Variants in DEXI observed in about 807,000 individuals in gnomAD.
DEXI encodes dexamethasone-induced protein.
Under a neutral mutation model 2.5 loss-of-function variants are expected in DEXI, and 2 were observed. That is an observed-to-expected ratio of 0.81 (90% CI 0.33 to 2.55). The LOEUF is 2.55. DEXI is among the 30% of genes most tolerant of loss of function. The probability of loss-of-function intolerance (pLI) is 0.11; values close to 1 mark genes in which losing one functional copy is unlikely to be tolerated. For synonymous variants in DEXI, 71 were observed against 68.7 expected (o/e 1.03, Z -0.17); for missense variants, 108 against 130.3 (o/e 0.83, Z 0.83).
chr16:10,941,874 G>C lies in DEXI; in HGVS notation c.132C>G (p.Ala44=), dbSNP rs2041107273. 1 of 1,612,180 alleles carries C rather than the reference G, an allele frequency of 6.2e-7. No individual in the cohort carries two copies. The highest frequency in any genetic ancestry group is 2.2e-5 in the East Asian group (1 of 44,878). ...FFVNVLILYY[A]FLMEYIVLNV... ...TGAGGACGATGTACTCCATGAGGAA[G>C]GCGTAGTACAGGATCAGCACATTGA... The change falls in exon 1 of 2, where the codon GCC becomes GCG. Residue 44 remains alanine, a synonymous_variant. Transcript: ENST00000331808. This position sits in a 1 kb window ranked among gnomAD's most constrained non-coding sequence, Gnocchi z 6.4.
chr16:10,933,013 T>C (rs1217242516), intron 1 of DEXI: 1 of 152,210 alleles, frequency 6.6e-6, no homozygotes, highest in African/African-American at 2.4e-5. Flanking sequence ...ACAAGTTTCT[T>C]CTAAGGCATC....
chr16:10,935,152 T>C (rs1352985527), intron 1 of DEXI: 1 of 152,184 alleles, frequency 6.6e-6, no homozygotes, highest in African/African-American at 2.4e-5. Context: ...AAGTCTGAGG[T>C]GTTGGTGGAG....
chr16:10,929,337 G>T lies in DEXI; in HGVS notation c.*372C>A, dbSNP rs557257667. On this transcript the variant is annotated 3_prime_UTR_variant, in exon 2 of 2. Transcript: ENST00000331808. The surrounding 1 kb of genome is among the most constrained non-coding windows in gnomAD (Gnocchi z 4.3). ...AGTGCAGGGAGGCAAACTCTGGCTG[G>T]GTTCCTGTAAACATCCATCGCAGCT... 736 of 985,952 alleles carry T rather than the reference G, an allele frequency of 7.5e-4. 1 individual carries two copies. The highest frequency in any genetic ancestry group is 8.6e-4 in the Non-Finnish European group (713 of 829,976). The allele number at this position is 985,952 out of a possible 1,614,324, so 61.1% of individuals were successfully genotyped here. A position where few individuals can be genotyped will look rare whatever the true frequency, so the allele number is the denominator to read the frequency against.
In DEXI at chr16:10,941,946, C is replaced by T. The variant is rs779994659; in HGVS notation, c.60G>A (p.Val20=). Residue 20 remains valine (V), a synonymous_variant, in exon 1 of 2, where the codon GTG becomes GTA. Transcript: ENST00000331808. This position sits in a 1 kb window ranked among gnomAD's most constrained non-coding sequence, Gnocchi z 6.4. ...LDALGPLVPY[V]PPPLLPSMFY... ...ACATAGAGGGCAGCAGCGGCGGCGG[C>T]ACGTAGGGGACCAGGGGGCCCAGTG... is the stretch of plus-strand genomic sequence containing the variant. 6.3e-7 allele frequency: 1 copy of T among 1,577,550 alleles called. No individual in the cohort carries two copies. The highest frequency in any genetic ancestry group is 8.6e-7 in the Non-Finnish European group (1 of 1,162,806).
intron 1 of DEXI, chr16:10,932,013 G>A (rs959481602): frequency 1.3e-5 from 2 of 152,250 alleles, no homozygotes; most frequent in African/African-American, 4.8e-5. Flanking sequence ...TGTTGTATGA[G>A]GTTTGAGGAT....
At chr16:10,931,322 T>C (rs1400571658) in intron 1 of DEXI, 3 of 152,604 alleles carry the variant, frequency 2.0e-5, no homozygotes, top group Non-Finnish European at 2.9e-5. Flanking sequence ...AAAGAGAAGA[T>C]GGAATCACTC....
intron 1 of DEXI, chr16:10,935,809 C>G (rs531817839): frequency 3.3e-4 from 51 of 152,292 alleles, no homozygotes; most frequent in African/African-American, 1.1e-3. Flanking sequence ...AATTGAGAGA[C>G]AGTTTACAAA....
At chr16:10,931,782 T>C (rs1452436184) in intron 1 of DEXI, 1 of 152,244 alleles carries the variant, frequency 6.6e-6, no homozygotes, top group Non-Finnish European at 1.5e-5. Context: ...TCCCAGCTAC[T>C]CGGGAGGCTG....
At position 10,941,596 on chromosome 16, in the gene DEXI, T is replaced by C; in HGVS notation, c.*122A>G. On this transcript the variant is annotated 3_prime_UTR_variant, in exon 1 of 2. Transcript: ENST00000331808. The surrounding 1 kb of genome is among the most constrained non-coding windows in gnomAD (Gnocchi z 6.4). The stretch of plus-strand genomic sequence containing the variant: ...GCCTCGGAGGCAGGGGAGGGTCTCC[T>C]CCTGGGGAACCATCCCCGTCCAGAT... The C allele has an allele frequency of 2.0e-6, 3 of 1,480,996 alleles. No homozygotes were observed. Among genetic ancestry groups the C allele is most frequent in the South Asian group, 1.4e-5 (1 of 70,742 alleles). The allele number at this position is 1,480,996 out of a possible 1,614,324, so 91.7% of individuals were successfully genotyped here. A position where few individuals can be genotyped will look rare whatever the true frequency, so the allele number is the denominator to read the frequency against.
Position 10,929,160 on chromosome 16 carries a change from C to T in DEXI, c.*549G>A, listed in dbSNP as rs1296843404. 6 of 951,254 alleles carry T rather than the reference C, an allele frequency of 6.3e-6. No homozygotes were observed. In the East Asian group the frequency reaches 3.5e-4, roughly 55 times the overall value. The allele number at this position is 951,254 out of a possible 1,614,324, so 58.9% of individuals were successfully genotyped here. ...TCTTCTGAGTCACCCCTGAAACAGTCGCTGCATCTAAGACCAGCCTCGGGC... is the reference window on the plus strand; with the variant it reads ...TCTTCTGAGTCACCCCTGAAACAGTTGCTGCATCTAAGACCAGCCTCGGGC... On this transcript the variant is annotated 3_prime_UTR_variant, in exon 2 of 2. Coordinates refer to ENST00000331808, the MANE Select transcript of DEXI (RefSeq NM_014015.4). This position sits in a 1 kb window ranked among gnomAD's most constrained non-coding sequence, Gnocchi z 4.3.
chr16:10,936,504 A>C (rs2041026064), intron 1 of DEXI: 1 of 152,256 alleles, frequency 6.6e-6, no homozygotes, highest in Non-Finnish European at 1.5e-5. Flanking sequence ...GCACGTGTAC[A>C]TGAGCAAAGT....
intron 1 of DEXI, chr16:10,936,858 T>C (rs897505669): frequency 2.6e-5 from 4 of 152,238 alleles, no homozygotes; most frequent in African/African-American, 7.2e-5. Context: ...CTGCCACTTT[T>C]ATTGTGATCT....
chr16:10,934,079 C>G lies in DEXI; in HGVS notation c.*150-4520G>C, dbSNP rs1013486489. The G allele has an allele frequency of 1.3e-5, 2 of 152,196 alleles. No homozygotes were observed. The highest frequency in any genetic ancestry group is 4.8e-5 in the African/African-American group (2 of 41,426). 9.4% of individuals were successfully genotyped at this position (152,196 alleles called of 1,614,324 possible). ...GGCTTCGGATTTGCACGTTGGCTGC[C>G]AAAGCTGATCAGCAGCGGGCTTTGT... On this transcript the variant is annotated intron_variant, in intron 1 of 1. Transcript: ENST00000331808. The surrounding 1 kb of genome is among the most constrained non-coding windows in gnomAD (Gnocchi z 4.2).
chr16:10,936,473 T>C (rs1031951140), intron 1 of DEXI: 2 of 152,226 alleles, frequency 1.3e-5, no homozygotes, highest in Non-Finnish European at 2.9e-5. Context: ...GGCATGCATA[T>C]ACAAACAGAG....
At position 10,937,299 on chromosome 16, in the gene DEXI, C is replaced by T. The variant is rs4780338; in HGVS notation, c.*149+4270G>A. ...GCTTCCTGGCCTGGTTTCCTGCATCCGCCCTGACCCCTGGCTGTGGGATCT... is the reference window on the plus strand; with the variant it reads ...GCTTCCTGGCCTGGTTTCCTGCATCTGCCCTGACCCCTGGCTGTGGGATCT... On this transcript the variant is annotated intron_variant, in intron 1 of 1. Transcript: ENST00000331808. The surrounding 1 kb of genome is among the most constrained non-coding windows in gnomAD (Gnocchi z 4.2). 0.37 allele frequency: 55,915 copies of T among 152,098 alleles called. 10,509 individuals carry two copies. Among genetic ancestry groups the T allele is most frequent in the South Asian group, 0.46 (2,230 of 4,808 alleles). The allele number at this position is 152,098 out of a possible 1,614,324, so 9.4% of individuals were successfully genotyped here.
rs2040669402 is a variant in DEXI, at chr16:10,929,244, C to T, written c.*465G>A. ...CAAACGGAGCTGGGAGTCGCTTTTGCGTGTGTCCGCAGTTTGAAGTGTCCT... is the reference window on the plus strand; with the variant it reads ...CAAACGGAGCTGGGAGTCGCTTTTGTGTGTGTCCGCAGTTTGAAGTGTCCT... On this transcript the variant is annotated 3_prime_UTR_variant, in exon 2 of 2. Transcript: ENST00000331808. The surrounding 1 kb of genome is among the most constrained non-coding windows in gnomAD (Gnocchi z 4.3). The T allele has an allele frequency of 4.1e-6, 4 of 984,526 alleles. No homozygotes were observed. Among genetic ancestry groups the T allele is most frequent in the South Asian group, 9.4e-5 (2 of 21,242 alleles). The allele number at this position is 984,526 out of a possible 1,614,324, so 61.0% of individuals were successfully genotyped here.
At position 10,941,840 on chromosome 16, in the gene DEXI, G is replaced by C. The variant is rs781328031; in HGVS notation, c.166C>G (p.Leu56Val). ...LMEYIVLNVGLVFLPEDMDQA... is the reference protein window; with the variant it reads ...LMEYIVLNVGVVFLPEDMDQA... Reference sequence around the variant, plus strand: ...TCCATGTCCTCGGGCAGGAAGACGAGGCCCACGTTGAGGACGATGTACTCC... The same window carrying C: ...TCCATGTCCTCGGGCAGGAAGACGACGCCCACGTTGAGGACGATGTACTCC... Residue 56 changes from leucine to valine, a missense_variant, in exon 1 of 2, where the codon CTC becomes GTC. Leu to Val is a conservative substitution (Grantham distance 32). Transcript: ENST00000331808. This position sits in a 1 kb window ranked among gnomAD's most constrained non-coding sequence, Gnocchi z 6.4. The C allele has an allele frequency of 3.6e-5, 58 of 1,613,242 alleles. No individual in the cohort carries two copies. The highest frequency in any genetic ancestry group is 4.9e-5 in the Non-Finnish European group (58 of 1,179,850).
chr16:10,930,992 C>T (rs1159184288), intron 1 of DEXI: 1 of 152,270 alleles, frequency 6.6e-6, no homozygotes, highest in Non-Finnish European at 1.5e-5. Flanking sequence ...TGTGGTCATC[C>T]TTGAGCCCAT....
intron 1 of DEXI, chr16:10,936,831 G>A (rs1432454243): frequency 1.3e-5 from 2 of 152,216 alleles, no homozygotes; most frequent in African/African-American, 4.8e-5. Context: ...TTATTTGTGA[G>A]ACAGGGATAA....
Sources: gnomAD v4.1 joint callset for allele counts on GRCh38, gnomAD v4.1.1 for gene constraint, Gnocchi (gnomAD v3.1) non-coding constraint, MANE v1.5 for transcripts, NCBI Gene and HGNC (gene_info 2026-07-23, HGNC 2026-07-21) for gene names.